Variants in KANSL1L observed in about 807,000 individuals in gnomAD.
KANSL1L encodes KAT8 regulatory NSL complex subunit 1 like.
In KANSL1L, 25 loss-of-function variants were observed where a neutral mutation model predicts 108.6. The ratio of observed to expected loss-of-function variants is 0.23; its 90% CI spans 0.17 to 0.32. KANSL1L has a LOEUF of 0.32. Ranked by LOEUF, KANSL1L falls within the 10% of genes least tolerant of loss-of-function variation. KANSL1L has a pLI of 1.00. For missense variants in KANSL1L, 1,137 were observed against 1,125.7 expected (o/e 1.01, Z -0.14); for synonymous variants, 405 against 395.1 (o/e 1.03, Z -0.30).
chr2:210,090,072 A>G (rs1257244446), intron 5 of KANSL1L, among the ~76,000 whole-genome samples: 3 of 152,208 alleles, frequency 2.0e-5, no homozygotes, highest in South Asian at 4.1e-4. Flanking sequence ...CTAGTATACT[A>G]TCTAAGATAA....
At chr2:210,056,168 T>A (rs1011679052) in intron 6 of KANSL1L, among the ~76,000 whole-genome samples, 1 of 152,232 alleles carries the variant, frequency 6.6e-6, no homozygotes, top group Non-Finnish European at 1.5e-5. Flanking sequence ...GTGCAAGCCC[T>A]AAGCCTTGGC....
rs149558434 is a variant in KANSL1L, at chr2:210,022,478, GGTGT to G, written c.*467_*470del. The stretch of plus-strand genomic sequence containing the variant: ...GCCAGTGTTTTAAAAACTACATAGG[GGTGT>G]GTGTGTGTGTGTATGTTTATTTTAT... On this transcript the variant is annotated 3_prime_UTR_variant, in exon 15 of 15. Coordinates refer to ENST00000281772, the MANE Select transcript of KANSL1L (RefSeq NM_152519.4). The G allele has an allele frequency of 1.3e-5, 2 of 157,338 alleles. No individual in the cohort carries two copies. The highest frequency in any genetic ancestry group is 1.9e-4 in the South Asian group (1 of 5,372). 9.7% of individuals were successfully genotyped at this position (157,338 alleles called of 1,614,324 possible).
chr2:210,171,326 G>A lies in KANSL1L; in HGVS notation c.-207C>T, dbSNP rs1485062099. 4 of 167,710 alleles carry A rather than the reference G, an allele frequency of 2.4e-5. No individual in the cohort carries two copies. Among genetic ancestry groups the A allele is most frequent in the African/African-American group, 7.5e-5 (3 of 40,138 alleles). 10.4% of individuals were successfully genotyped at this position (167,710 alleles called of 1,614,324 possible). A position where few individuals can be genotyped will look rare whatever the true frequency, so the allele number is the denominator to read the frequency against. On this transcript the variant is annotated 5_prime_UTR_variant, in exon 1 of 15. Coordinates refer to ENST00000281772, the MANE Select transcript of KANSL1L (RefSeq NM_152519.4). ...CGCCGCCGCCGCCGCCGCCGCCGCC[G>A]CCGCCGCCGCCGCCGCGGTTTAACA... is the stretch of plus-strand genomic sequence containing the variant.
In KANSL1L at chr2:210,070,108, C is replaced by T. The variant is rs11899048; in HGVS notation, c.1755+5444G>A. Among the ~76,000 whole-genome samples, 1,251 of 150,684 alleles carry T rather than the reference C, an allele frequency of 8.3e-3. 19 individuals carry two copies. Among genetic ancestry groups the T allele is most frequent in the African/African-American group, 0.029 (1,195 of 41,056 alleles). ...CCTCCCAAAGTGCTGAGATTACAGG[C>T]GTGAGCCACTGTGTCTGCTTGGCCC... On this transcript the variant is annotated intron_variant, in intron 6 of 14. Coordinates refer to ENST00000281772, the MANE Select transcript of KANSL1L (RefSeq NM_152519.4).
chr2:210,117,484 G>T (rs771163555), intron 3 of KANSL1L, among the ~76,000 whole-genome samples: 1 of 152,048 alleles, frequency 6.6e-6, no homozygotes, highest in Non-Finnish European at 1.5e-5. Context: ...AATAAAGAAA[G>T]GATTCAAAAA....
At chr2:210,073,816 T>C (rs2094524155) in intron 6 of KANSL1L, among the ~76,000 whole-genome samples, 1 of 151,284 alleles carries the variant, frequency 6.6e-6, no homozygotes, top group Non-Finnish European at 1.5e-5. Context: ...CAGTTCCAAT[T>C]CTCTATTGCC....
intron 5 of KANSL1L, among the ~76,000 whole-genome samples, chr2:210,095,577 A>AT (rs1458533723): frequency 6.6e-6 from 1 of 152,104 alleles, no homozygotes; most frequent in African/African-American, 2.4e-5. Flanking sequence ...AGATTTATAG[A>AT]TTTTTTAATA....
At chr2:210,116,075 T>A (rs921453428) in intron 3 of KANSL1L, among the ~76,000 whole-genome samples, 2 of 152,154 alleles carry the variant, frequency 1.3e-5, no homozygotes. Context: ...AGGGAGAGAC[T>A]CAGGACTGGC....
intron 1 of KANSL1L, among the ~76,000 whole-genome samples, chr2:210,157,713 A>C (rs2095341441): frequency 7.1e-6 from 1 of 141,056 alleles, no homozygotes; most frequent in Non-Finnish European, 1.6e-5. Context: ...AAAAAAAAAA[A>C]AAAAAAAGAT....
chr2:210,112,216 C>G (rs1357312309), intron 3 of KANSL1L, among the ~76,000 whole-genome samples: 2 of 152,122 alleles, frequency 1.3e-5, no homozygotes, highest in Non-Finnish European at 2.9e-5. Context: ...GTCTTCATAG[C>G]AGCAACCTAA....
intron 2 of KANSL1L, among the ~76,000 whole-genome samples, chr2:210,135,521 G>A (rs140349968): frequency 3.0e-4 from 45 of 152,172 alleles, no homozygotes; most frequent in African/African-American, 1.1e-3. Flanking sequence ...AAAATAAAAC[G>A]TGAGCCAAAA....
chr2:210,058,639 C>A (rs1193169993), intron 6 of KANSL1L, among the ~76,000 whole-genome samples: 1 of 152,046 alleles, frequency 6.6e-6, no homozygotes, highest in East Asian at 1.9e-4. Context: ...CGAGCCCATC[C>A]TGGCTAACAT....
chr2:210,024,034 T>C lies in KANSL1L; in HGVS notation c.2732A>G (p.Lys911Arg). The change falls in exon 14 of 15, where the codon AAG becomes AGG. Residue 911 changes from lysine to arginine, a missense_variant and splice_region_variant. Physicochemically the swap from Lys to Arg is conservative, Grantham distance 26. Around this residue, in one of 3 missense-constraint regions of KANSL1L, gnomAD observed 575 missense variants for 567.1 expected, o/e 1.01. Transcript: ENST00000281772. ...TTTAATCATACATATTACACTTACC[T>C]TGGTTTCTTGACTTTGATTTAAAGA... is the stretch of plus-strand genomic sequence containing the variant. ...LPSLNQSQET[K>R]SLWWERRAFP... The C allele has an allele frequency of 1.3e-6, 2 of 1,564,588 alleles. No individual in the cohort carries two copies. Among genetic ancestry groups the C allele is most frequent in the Admixed American group, 1.9e-5 (1 of 51,724 alleles).
rs149925934 is a variant in KANSL1L at position 210,042,693 on chromosome 2, A to G, written c.1921+1246T>C. On this transcript the variant is annotated intron_variant, in intron 7 of 14. Transcript: ENST00000281772. ...GTGCTTAATATATACAAGGCTCAGT[A>G]TATGCTAAGACTAAATGTTAGCTAC... Among the ~76,000 whole-genome samples the G allele has an allele frequency of 1.2e-3, 185 of 152,318 alleles. 1 individual carries two copies. The highest frequency in any genetic ancestry group is 4.2e-3 in the African/African-American group (174 of 41,566).
At position 210,104,172 on chromosome 2, in the gene KANSL1L, C is replaced by T. The variant is rs573034135; in HGVS notation, c.1360G>A (p.Val454Ile). ...GACATTTCAAAATCTTGTTCCGGTA[C>T]AGGATCTTGACACTCCTGGGGAACC... ...PQVPQECQDP[V>I]PEQDFEMSPS... is the part of the protein sequence containing the mutation. Residue 454 changes from valine to isoleucine, a missense_variant, in exon 4 of 15, where the codon GTA becomes ATA. Val to Ile is a conservative substitution (Grantham distance 29). Coordinates refer to ENST00000281772, the MANE Select transcript of KANSL1L (RefSeq NM_152519.4). The T allele has an allele frequency of 6.2e-7, 1 of 1,613,992 alleles. No individual in the cohort carries two copies. The highest frequency in any genetic ancestry group is 1.1e-5 in the South Asian group (1 of 91,084).
intron 1 of KANSL1L, among the ~76,000 whole-genome samples, chr2:210,166,290 A>G (rs1253800978): frequency 6.6e-6 from 1 of 152,162 alleles, no homozygotes; most frequent in Admixed American, 6.5e-5. Flanking sequence ...CAAAAGGTGC[A>G]TGTACACAGT....
intron 2 of KANSL1L, among the ~76,000 whole-genome samples, chr2:210,133,580 CTTCT>C (rs1176177216): frequency 6.6e-6 from 1 of 151,298 alleles, no homozygotes; most frequent in Admixed American, 6.6e-5. Context: ...TCACCTTTTC[CTTCT>C]ATTTGCTTTG....
At chr2:210,096,829 G>C in intron 5 of KANSL1L, 2 of 898,124 alleles carry the variant, frequency 2.2e-6, no homozygotes, top group Non-Finnish European at 2.7e-6. Context: ...TCCCACAATA[G>C]AACAATGGAT....
chr2:210,117,318 G>A (rs1015370304), intron 3 of KANSL1L, among the ~76,000 whole-genome samples: 27 of 152,118 alleles, frequency 1.8e-4, no homozygotes, highest in South Asian at 2.1e-4. Context: ...AGAGATCAGC[G>A]TAGAAAGTAT....
Sources: gnomAD v4.1 joint callset for allele counts (sites outside exome capture counted in the v4.1 genomes callset) on GRCh38, gnomAD v4.1.1 for gene constraint, gnomAD v4.1.1 regional missense constraint, MANE v1.5 for transcripts, NCBI Gene and HGNC (gene_info 2026-07-23, HGNC 2026-07-21) for gene names.